The following DUSP10 variants were observed in gnomAD, a reference collection of about 807,000 sequenced individuals.
DUSP10 encodes dual specificity phosphatase 10, also known as dual specificity protein phosphatase 10.
A neutral mutation model predicts 30.8 loss-of-function variants in DUSP10; 14 were observed. That is an observed-to-expected ratio of 0.46 (90% CI 0.30 to 0.71). DUSP10 has a LOEUF of 0.71. Among genes scored for constraint, DUSP10 ranks in the 30% least tolerant of loss-of-function variants. The pLI is 0.08. For synonymous variants in DUSP10, 254 were observed against 250.4 expected (o/e 1.01, Z -0.14); for missense variants, 550 against 619.4 (o/e 0.89, Z 1.19).
intron 2 of DUSP10, among the ~76,000 whole-genome samples, chr1:221,731,448 AGAG>A (rs1427009689): frequency 6.6e-6 from 1 of 152,116 alleles, no homozygotes; most frequent in Non-Finnish European, 1.5e-5. Context: ...TCTCCCACAC[AGAG>A]GAGACTTGTC....
At chr1:221,708,999 G>GT (rs979004068) in intron 2 of DUSP10, among the ~76,000 whole-genome samples, 10 of 92,874 alleles carry the variant, frequency 1.1e-4, no homozygotes, top group Admixed American at 2.1e-4. Context: ...AAAGCAGCTA[G>GT]TTTAAAAAAA....
intron 2 of DUSP10, among the ~76,000 whole-genome samples, chr1:221,708,656 A>T (rs1660838721): frequency 6.6e-6 from 1 of 152,216 alleles, no homozygotes; most frequent in African/African-American, 2.4e-5. Context: ...GATAATTCTG[A>T]AGTAGAAGAA....
intron 2 of DUSP10, among the ~76,000 whole-genome samples, chr1:221,717,961 A>T (rs1370069882): frequency 6.6e-6 from 1 of 152,120 alleles, no homozygotes; most frequent in African/African-American, 2.4e-5. Context: ...TTTTAGAAAT[A>T]CAACGTATAA....
intron 2 of DUSP10, among the ~76,000 whole-genome samples, chr1:221,725,339 A>G (rs1661395236): frequency 6.6e-6 from 1 of 152,238 alleles, no homozygotes; most frequent in African/African-American, 2.4e-5. Flanking sequence ...ATGTATTAAT[A>G]TGAAGTCTCT....
At chr1:221,705,048 G>GA (rs1558115258) in intron 3 of DUSP10, among the ~76,000 whole-genome samples, 2 of 149,292 alleles carry the variant, frequency 1.3e-5, no homozygotes, top group Non-Finnish European at 3.0e-5. Context: ...TTGAAGTTAC[G>GA]TAAAAAAAAA....
At chr1:221,727,793 C>G (rs1661467503) in intron 2 of DUSP10, among the ~76,000 whole-genome samples, 1 of 152,134 alleles carries the variant, frequency 6.6e-6, no homozygotes, top group Admixed American at 6.5e-5. Context: ...ATTTTGTTCT[C>G]CATTCACTAA....
chr1:221,732,806 T>G (rs918990314), intron 2 of DUSP10, among the ~76,000 whole-genome samples: 2 of 152,220 alleles, frequency 1.3e-5, no homozygotes, highest in Admixed American at 6.5e-5. Flanking sequence ...CCCAGACCAA[T>G]TTAATCAGGC....
intron 1 of DUSP10, among the ~76,000 whole-genome samples, chr1:221,740,210 T>C (rs1661910187): frequency 6.6e-6 from 1 of 152,222 alleles, no homozygotes; most frequent in Non-Finnish European, 1.5e-5. Flanking sequence ...CACCCTTGCA[T>C]GCTTGCCATT....
chr1:221,728,381 A>G (rs1171724044), intron 2 of DUSP10, among the ~76,000 whole-genome samples: 1 of 152,172 alleles, frequency 6.6e-6, no homozygotes, highest in Admixed American at 6.5e-5. Flanking sequence ...TGCTGCCCCT[A>G]ACACAGGATT....
intron 2 of DUSP10, among the ~76,000 whole-genome samples, chr1:221,714,685 G>A (rs1661044711): frequency 6.6e-6 from 1 of 152,044 alleles, no homozygotes; most frequent in African/African-American, 2.4e-5. Flanking sequence ...TTTTTCCTCT[G>A]GGAAGTCACC....
intron 2 of DUSP10, among the ~76,000 whole-genome samples, chr1:221,734,779 GC>G (rs1661713422): frequency 6.6e-6 from 1 of 152,044 alleles, no homozygotes; most frequent in Non-Finnish European, 1.5e-5. Flanking sequence ...TGACATTTTA[GC>G]CTTGGATGTT....
At chr1:221,714,650 C>T (rs1197615797) in intron 2 of DUSP10, among the ~76,000 whole-genome samples, 1 of 152,208 alleles carries the variant, frequency 6.6e-6, no homozygotes, top group Non-Finnish European at 1.5e-5. Context: ...ACTATAAAAT[C>T]TGGCACATCC....
intron 2 of DUSP10, among the ~76,000 whole-genome samples, chr1:221,733,256 TG>T (rs1661669286): frequency 6.6e-6 from 1 of 152,258 alleles, no homozygotes; most frequent in East Asian, 1.9e-4. Flanking sequence ...CAGATGGGTT[TG>T]CCTAAAGGAC....
intron 2 of DUSP10, among the ~76,000 whole-genome samples, chr1:221,708,716 G>A (rs1352465295): frequency 6.6e-6 from 1 of 152,072 alleles, no homozygotes; most frequent in African/African-American, 2.4e-5. Flanking sequence ...AAATAAATAA[G>A]ATAAAAACTA....
chr1:221,704,420 A>G (rs1175304388), intron 3 of DUSP10, among the ~76,000 whole-genome samples: 1 of 152,120 alleles, frequency 6.6e-6, no homozygotes, highest in Non-Finnish European at 1.5e-5. Context: ...TACCCTACTC[A>G]TTAAATAGAA....
chr1:221,705,059 T>A (rs964368033), intron 3 of DUSP10, among the ~76,000 whole-genome samples: 2 of 151,080 alleles, frequency 1.3e-5, no homozygotes, highest in South Asian at 2.1e-4. Flanking sequence ...TAAAAAAAAA[T>A]AAATGTTGAG....
In DUSP10 at chr1:221,739,234, C is replaced by A. The variant is rs1353844603; in HGVS notation, c.511G>T (p.Gly171Cys). ...GGCCTGCAGTCAATGATGACAGGGC[C>A]CTGACTCGGCAGGTGACTCTTGCTG... is the stretch of plus-strand genomic sequence containing the variant. Reference protein sequence around the residue: ...KCSKSHLPSQGPVIIDCRPFM... With the variant: ...KCSKSHLPSQCPVIIDCRPFM... Residue 171 changes from glycine to cysteine, a missense_variant, in exon 2 of 4, where the codon GGC becomes TGC. By Grantham distance (159) the Gly-to-Cys change is radical. Coordinates refer to ENST00000366899, the MANE Select transcript of DUSP10 (RefSeq NM_007207.6). 4.3e-6 allele frequency: 7 copies of A among 1,614,114 alleles called. No homozygotes were observed. The highest frequency in any genetic ancestry group is 5.9e-6 in the Non-Finnish European group (7 of 1,180,016).
chr1:221,705,894 T>A (rs76949474), intron 3 of DUSP10, among the ~76,000 whole-genome samples: 2,126 of 152,328 alleles, frequency 0.014, 38 homozygotes, highest in African/African-American at 0.048. Context: ...TGTCCTTTTA[T>A]ATCCATCCTG....
chr1:221,704,361 G>A (rs1241967860), intron 3 of DUSP10, among the ~76,000 whole-genome samples: 1 of 149,450 alleles, frequency 6.7e-6, no homozygotes, highest in Non-Finnish European at 1.5e-5. Flanking sequence ...AATCTATAAG[G>A]AATGTGAGAA....
Sources: allele counts gnomAD v4.1 joint callset (sites outside exome capture counted in the v4.1 genomes callset), GRCh38; gene constraint gnomAD v4.1.1; transcripts MANE v1.5; gene names NCBI Gene and HGNC (gene_info 2026-07-23, HGNC 2026-07-21).